Variants in ZNF385D observed in about 807,000 individuals in gnomAD.
The protein encoded by ZNF385D is zinc finger protein 385D.
Under a neutral mutation model 35.8 loss-of-function variants are expected in ZNF385D, and 15 were observed. That is an observed-to-expected ratio of 0.42 (90% CI 0.28 to 0.64). The LOEUF is 0.64. ZNF385D is among the 30% of genes least tolerant of loss of function. The probability of loss-of-function intolerance (pLI) is 0.23; values close to 1 mark genes in which losing one functional copy is unlikely to be tolerated. For missense variants in ZNF385D, 474 were observed against 494.6 expected, an observed-to-expected ratio of 0.96 and a Z score of 0.39; for synonymous variants, 212 against 186.8, an observed-to-expected ratio of 1.13 and a Z score of -1.10.
Position 21,854,001 on chromosome 3 carries a change from T to C in ZNF385D, c.326-188973A>G, listed in dbSNP as rs140307071. Among the ~76,000 whole-genome samples the C allele has an allele frequency of 4.9e-3, 739 of 151,988 alleles. 6 individuals are homozygous for C. The highest frequency in any genetic ancestry group is 0.017 in the African/African-American group (719 of 41,524). ...GGGATGATAAAATATTCTATACCTT[T>C]AGGTGGTGATTAAAAGGGCATATAC... On this transcript the variant is annotated intron_variant, in intron 3 of 5. Transcript: ENST00000494108.
intron 2 of ZNF385D, among the ~76,000 whole-genome samples, chr3:22,277,921 A>T (rs1458720323): frequency 2.0e-5 from 3 of 152,030 alleles, no homozygotes; most frequent in Non-Finnish European, 4.4e-5. Flanking sequence ...AAGTACCAAA[A>T]ATGAACAGTA....
At chr3:22,008,439 G>GC (rs900213984) in intron 3 of ZNF385D, among the ~76,000 whole-genome samples, 4 of 144,144 alleles carry the variant, frequency 2.8e-5, no homozygotes, top group African/African-American at 5.3e-5. Flanking sequence ...TGCAGGCTCC[G>GC]CCCCCCGGAG....
At chr3:21,801,280 A>G (rs1211562379) in intron 3 of ZNF385D, among the ~76,000 whole-genome samples, 18 of 152,132 alleles carry the variant, frequency 1.2e-4, no homozygotes, top group Non-Finnish European at 5.9e-5. Context: ...ATATTAGTCT[A>G]TAGTTTTCTT....
chr3:21,792,483 T>C (rs1178958566), intron 3 of ZNF385D, among the ~76,000 whole-genome samples: 2 of 152,222 alleles, frequency 1.3e-5, no homozygotes, highest in African/African-American at 4.8e-5. Context: ...AATGGCACAG[T>C]TGAGTATTCC....
intron 3 of ZNF385D, among the ~76,000 whole-genome samples, chr3:22,030,048 A>G (rs1430085253): frequency 6.6e-6 from 1 of 151,228 alleles, no homozygotes; most frequent in African/African-American, 2.4e-5. Flanking sequence ...AGCAAATATA[A>G]AGCATGCAGA....
intron 3 of ZNF385D, among the ~76,000 whole-genome samples, chr3:22,078,767 G>A (rs535351339): frequency 3.0e-4 from 46 of 151,798 alleles, no homozygotes; most frequent in Non-Finnish European, 4.7e-4. Flanking sequence ...ATTTGAAAAA[G>A]GACTTTGAAA....
chr3:22,365,842 G>A (rs985934410), intron 2 of ZNF385D, among the ~76,000 whole-genome samples: 1 of 152,044 alleles, frequency 6.6e-6, no homozygotes, highest in Non-Finnish European at 1.5e-5. Flanking sequence ...AAAGCCCCTA[G>A]ACATAGCATT....
At chr3:21,673,946 C>G (rs2066649317) in intron 1 of ZNF385D, among the ~76,000 whole-genome samples, 1 of 152,106 alleles carries the variant, frequency 6.6e-6, no homozygotes, top group South Asian at 2.1e-4. Context: ...CTACATCTGT[C>G]TCTCAGGGAA....
intron 2 of ZNF385D, among the ~76,000 whole-genome samples, chr3:21,653,496 CAT>C (rs2065983487): frequency 6.6e-6 from 1 of 152,008 alleles, no homozygotes; most frequent in Non-Finnish European, 1.5e-5. Flanking sequence ...TGTGCATAAA[CAT>C]ATGTATACAT....
At chr3:21,639,957 T>C (rs1473245647) in intron 2 of ZNF385D, among the ~76,000 whole-genome samples, 1 of 152,006 alleles carries the variant, frequency 6.6e-6, no homozygotes, top group East Asian at 1.9e-4. Context: ...CAAAGACACT[T>C]TTAGGGTTTT....
intron 3 of ZNF385D, among the ~76,000 whole-genome samples, chr3:22,071,825 G>C (rs1245048334): frequency 6.6e-6 from 1 of 151,988 alleles, no homozygotes; most frequent in Non-Finnish European, 1.5e-5. Flanking sequence ...CCTAAGACAA[G>C]CAATCATACT....
At chr3:22,201,956 T>G (rs570268053) in intron 2 of ZNF385D, among the ~76,000 whole-genome samples, 1 of 151,790 alleles carries the variant, frequency 6.6e-6, no homozygotes, top group African/African-American at 2.4e-5. Flanking sequence ...AAGAAAAAAT[T>G]GAGTGTGTTA....
intron 1 of ZNF385D, among the ~76,000 whole-genome samples, chr3:21,667,432 G>T (rs1234340390): frequency 6.6e-6 from 1 of 152,154 alleles, no homozygotes; most frequent in East Asian, 1.9e-4. Flanking sequence ...AAAGTGCTGG[G>T]ATTACAGGTG....
chr3:22,252,912 T>C (rs1223364019), intron 2 of ZNF385D, among the ~76,000 whole-genome samples: 4 of 152,074 alleles, frequency 2.6e-5, no homozygotes, highest in African/African-American at 7.2e-5. Flanking sequence ...GGCTGAAGAG[T>C]TGATTCTTTA....
chr3:21,473,194 G>C (rs1704014085), intron 4 of ZNF385D, among the ~76,000 whole-genome samples: 1 of 151,986 alleles, frequency 6.6e-6, no homozygotes, highest in Non-Finnish European at 1.5e-5. Context: ...GTCACAGTTT[G>C]CAAAACTCTA....
intron 3 of ZNF385D, among the ~76,000 whole-genome samples, chr3:22,048,356 C>T (rs1004854460): frequency 1.3e-5 from 2 of 152,070 alleles, no homozygotes; most frequent in African/African-American, 4.8e-5. Context: ...TGGGGCTTTC[C>T]TCTAGCAGTT....
chr3:21,848,138 C>T (rs571852507), intron 3 of ZNF385D, among the ~76,000 whole-genome samples: 2 of 152,080 alleles, frequency 1.3e-5, no homozygotes, highest in South Asian at 4.1e-4. Flanking sequence ...AGCATAATAT[C>T]CTCAAAGCTC....
chr3:22,058,852 G>A (rs1316033790), intron 3 of ZNF385D, among the ~76,000 whole-genome samples: 1 of 152,290 alleles, frequency 6.6e-6, no homozygotes, highest in East Asian at 1.9e-4. Flanking sequence ...GAAATGGCTG[G>A]TGGTTAGTGG....
In ZNF385D at chr3:21,702,067, G is replaced by C. The variant is rs554783385; in HGVS notation, c.23-37039C>G. 6.6e-5 allele frequency among the ~76,000 whole-genome samples: 10 copies of C among 152,262 alleles called. No homozygotes were observed. The South Asian group carries it at 2.1e-3, about 32-fold the overall frequency. ...TAACCCTCTTCTCACAGCTCCACTA[G>C]GCAGTGCACCAGTAAGGACTCTGTG... is the stretch of plus-strand genomic sequence containing the variant. On this transcript the variant is annotated intron_variant, in intron 1 of 7. Coordinates refer to ENST00000281523, the MANE Select transcript of ZNF385D (RefSeq NM_024697.3).
Sources: allele counts gnomAD v4.1 joint callset (sites outside exome capture counted in the v4.1 genomes callset), GRCh38; gene constraint gnomAD v4.1.1; transcripts MANE v1.5; gene names NCBI Gene and HGNC (gene_info 2026-07-23, HGNC 2026-07-21).